The following LY75 variants were observed in gnomAD, a reference collection of about 807,000 sequenced individuals.
The protein encoded by LY75 is C-type lectin domain family 13 member B.
LY75 carries 185 observed loss-of-function variants against 231.7 expected under a neutral mutation model. The observed-to-expected ratio is 0.80, with a 90% CI of 0.71 to 0.90. The LOEUF (loss-of-function observed/expected upper bound fraction) is 0.90, where lower values mean the gene tolerates loss of function less well. LY75 is among the 40% of genes least tolerant of loss of function. LY75 has a pLI of 0.00. For synonymous variants in LY75, 668 were observed against 689.0 expected (o/e 0.97, Z 0.48); for missense variants, 1,947 against 2,050.2 (o/e 0.95, Z 0.97).
rs1276109770 is a variant in LY75 at position 159,853,549 on chromosome 2, T to C, written c.2663+81A>G. 5 of 1,592,924 alleles carry C rather than the reference T, an allele frequency of 3.1e-6. No individual in the cohort carries two copies. In the African/African-American group the frequency reaches 6.8e-5, roughly 22 times the overall value. On this transcript the variant is annotated intron_variant, in intron 19 of 34. Transcript: ENST00000263636. ...TATGGATTAATATTCAAACTACTTATAAATAGAAATCCATTTAGTAAAAGG... is the reference window on the plus strand; with the variant it reads ...TATGGATTAATATTCAAACTACTTACAAATAGAAATCCATTTAGTAAAAGG...
rs146988821 is a variant in LY75, at chr2:159,843,044, T to C, written c.3151-670A>G. On this transcript the variant is annotated intron_variant, in intron 23 of 34. Coordinates refer to ENST00000263636, the MANE Select transcript of LY75 (RefSeq NM_002349.4). ...AATAAAATGAGAAATGTCAAAAAAATTGGTATGAGTAAAACTTTATGTGGA... is the reference window on the plus strand; with the variant it reads ...AATAAAATGAGAAATGTCAAAAAAACTGGTATGAGTAAAACTTTATGTGGA... Among the ~76,000 whole-genome samples, 259 of 151,840 alleles carry C rather than the reference T, an allele frequency of 1.7e-3. 1 individual carries two copies. The East Asian group carries it at 0.017, about 10-fold the overall frequency.
chr2:159,894,170 AG>A, intron 2 of LY75, 86 bp from the exon 3 acceptor site: 1 of 1,458,652 alleles, frequency 6.9e-7, no homozygotes, highest in Non-Finnish European at 9.2e-7. Flanking sequence ...TGTTTTTAAA[AG>A]AAACGTTGTT....
intron 11 of LY75, among the ~76,000 whole-genome samples, chr2:159,876,162 T>C (rs1685260434): frequency 1.3e-5 from 2 of 152,232 alleles, no homozygotes; most frequent in African/African-American, 2.4e-5. Context: ...CCGTTAATTT[T>C]ATGACAGTCA....
rs770083220 is a variant in LY75 at position 159,879,294 on chromosome 2, C to T, written c.1480G>A (p.Asp494Asn). ...VCKRKGEKLN[D>N]ASSDKMCPPD... ...GGACACATCTTATCAGAACTTGCGT[C>T]ATTCAGTTTTTCTCCCTTTCTCTTG... is the stretch of plus-strand genomic sequence containing the variant. Residue 494 changes from aspartate (D) to asparagine (N), a missense_variant, in exon 9 of 35, where the codon GAC becomes AAC. Coordinates refer to ENST00000263636, the MANE Select transcript of LY75 (RefSeq NM_002349.4). The T allele has an allele frequency of 5.3e-5, 86 of 1,613,572 alleles. No individual in the cohort carries two copies. The highest frequency in any genetic ancestry group is 6.4e-5 in the Non-Finnish European group (76 of 1,179,844).
chr2:159,904,632 C>A lies in LY75; in HGVS notation c.51G>T (p.Leu17=), dbSNP rs1686184668. The A allele has an allele frequency of 4.0e-6, 6 of 1,502,938 alleles. No homozygotes were observed. Among genetic ancestry groups the A allele is most frequent in the Non-Finnish European group, 8.9e-7 (1 of 1,128,922 alleles). 93.1% of individuals were successfully genotyped at this position (1,502,938 alleles called of 1,614,324 possible). The change falls in exon 1 of 35, where the codon CTG becomes CTT. Residue 17 remains leucine, a synonymous_variant. Transcript: ENST00000263636. Reference sequence around the variant, plus strand: ...CCGCGAGATCGAAGAACCAGAAGAGCAGCATGAGGAGCCCCGCCGGGCGGC... The same window carrying A: ...CCGCGAGATCGAAGAACCAGAAGAGAAGCATGAGGAGCCCCGCCGGGCGGC... ...TPRRPAGLLM[L]LFWFFDLAEP...
At chr2:159,848,520 G>A (rs1298860613) in intron 23 of LY75, among the ~76,000 whole-genome samples, 1 of 152,080 alleles carries the variant, frequency 6.6e-6, no homozygotes, top group Non-Finnish European at 1.5e-5. Context: ...CTTTACTCGT[G>A]TAACCAAACA....
intron 13 of LY75, among the ~76,000 whole-genome samples, chr2:159,867,112 A>G (rs1303202183): frequency 6.6e-6 from 1 of 152,138 alleles, no homozygotes; most frequent in Admixed American, 6.6e-5. Flanking sequence ...AATCTCCACT[A>G]CTTTCTGAAA....
At chr2:159,889,336 C>G (rs1267649187) in intron 4 of LY75, among the ~76,000 whole-genome samples, 1 of 152,124 alleles carries the variant, frequency 6.6e-6, no homozygotes, top group African/African-American at 2.4e-5. Flanking sequence ...TCAAGCAATC[C>G]TTCTACCTCA....
At chr2:159,819,248 A>G (rs1683213016) in intron 29 of LY75, among the ~76,000 whole-genome samples, 1 of 152,220 alleles carries the variant, frequency 6.6e-6, no homozygotes, top group African/African-American at 2.4e-5. Flanking sequence ...AAACTAACAT[A>G]TATTTAAAAA....
At chr2:159,862,718 T>C (rs1056103038) in intron 14 of LY75, among the ~76,000 whole-genome samples, 3 of 152,218 alleles carry the variant, frequency 2.0e-5, no homozygotes, top group Non-Finnish European at 4.4e-5. Flanking sequence ...ATTTATCATA[T>C]ACAACATGAT....
chr2:159,870,389 T>G (rs1457818398), intron 13 of LY75, among the ~76,000 whole-genome samples: 1 of 152,152 alleles, frequency 6.6e-6, no homozygotes, highest in Non-Finnish European at 1.5e-5. Flanking sequence ...AGGTTGAGGC[T>G]GCAGTGAGCT....
intron 32 of LY75, among the ~76,000 whole-genome samples, chr2:159,809,213 C>A (rs1682880832): frequency 6.6e-6 from 1 of 152,138 alleles, no homozygotes; most frequent in Admixed American, 6.5e-5. Context: ...TAATTTGCTA[C>A]CCAAGGAAGC....
At chr2:159,897,994 A>G (rs1001704540) in intron 2 of LY75, among the ~76,000 whole-genome samples, 1 of 152,250 alleles carries the variant, frequency 6.6e-6, no homozygotes, top group South Asian at 2.1e-4. Context: ...TATAAACATC[A>G]AAATTTGGTT....
intron 21 of LY75, among the ~76,000 whole-genome samples, chr2:159,851,561 C>G (rs545122009): frequency 1.3e-5 from 2 of 152,320 alleles, no homozygotes; most frequent in African/African-American, 4.8e-5. Context: ...ACCTGCTTAT[C>G]TTCAAATGTC....
At chr2:159,808,189 A>C in intron 33 of LY75, 1 of 895,900 alleles carries the variant, frequency 1.1e-6, no homozygotes, top group Non-Finnish European at 1.3e-6. Flanking sequence ...TGATCCAAGG[A>C]TCCCAGAAAT....
At chr2:159,827,221 G>A (rs1431170409) in intron 28 of LY75, among the ~76,000 whole-genome samples, 1 of 152,038 alleles carries the variant, frequency 6.6e-6, no homozygotes, top group Non-Finnish European at 1.5e-5. Flanking sequence ...TTGACAAAGG[G>A]CTAATATCCA....
intron 27 of LY75, among the ~76,000 whole-genome samples, chr2:159,833,731 T>C (rs1683733902): frequency 6.6e-6 from 1 of 152,198 alleles, no homozygotes; most frequent in African/African-American, 2.4e-5. Flanking sequence ...GTAGCTCCCA[T>C]AATCCCCACA....
In LY75 at chr2:159,840,583, T is replaced by A. The variant is rs956615591; in HGVS notation, c.3507+146A>T. 7 of 1,309,392 alleles carry A rather than the reference T, an allele frequency of 5.3e-6. No individual in the cohort carries two copies. In the African/African-American group the frequency reaches 1.0e-4, roughly 20 times the overall value. The allele number at this position is 1,309,392 out of a possible 1,614,324, so 81.1% of individuals were successfully genotyped here. A position where few individuals can be genotyped will look rare whatever the true frequency, so the allele number is the denominator to read the frequency against. ...TGAGCCTTTGTCTCAAAACAAAATT[T>A]AAAAACCCCGACATATTCCATGAAA... On this transcript the variant is annotated intron_variant, in intron 25 of 34. Coordinates refer to ENST00000263636, the MANE Select transcript of LY75 (RefSeq NM_002349.4).
Position 159,808,519 on chromosome 2 carries a change from C to A in LY75, c.4752G>T (p.Val1584=). ...TATTATTTTCCCTCATCAGTCTGCT[C>A]ACAAATTTATTCTCATCTTCATCTT... ...SIKDEDENKF[V]SRLMRENNNI... is the part of the protein sequence containing the mutation. Residue 1584 remains valine, a synonymous_variant, in exon 33 of 35, where the codon GTG becomes GTT. Coordinates refer to ENST00000263636, the MANE Select transcript of LY75 (RefSeq NM_002349.4). 4 of 1,613,886 alleles carry A rather than the reference C, an allele frequency of 2.5e-6. No individual in the cohort carries two copies. The highest frequency in any genetic ancestry group is 3.4e-6 in the Non-Finnish European group (4 of 1,179,966).
Sources: allele counts gnomAD v4.1 joint callset (sites outside exome capture counted in the v4.1 genomes callset), GRCh38; gene constraint gnomAD v4.1.1; transcripts MANE v1.5; gene names NCBI Gene and HGNC (gene_info 2026-07-23, HGNC 2026-07-21).